Variants in CYTH3 observed in about 807,000 individuals in gnomAD.
CYTH3 encodes the protein cytohesin 3.
Under a neutral mutation model 55.1 loss-of-function variants are expected in CYTH3, and 23 were observed. The ratio of observed to expected loss-of-function variants is 0.42; its 90% CI spans 0.30 to 0.59. The LOEUF (loss-of-function observed/expected upper bound fraction) is 0.59. Ranked by LOEUF, CYTH3 falls within the 20% of genes least tolerant of loss-of-function variation. The pLI is 0.20. For missense variants in CYTH3, 413 were observed against 524.8 expected (o/e 0.79, Z 2.08); for synonymous variants, 249 against 194.9 (o/e 1.28, Z -2.31).
chr7:6,259,779 TATATAATATATATA>T lies in CYTH3; in HGVS notation c.34+12681_34+12694del, dbSNP rs1780264371. Among the ~76,000 whole-genome samples, 2 of 20,154 alleles carry T rather than the reference TATATAATATATATA, an allele frequency of 9.9e-5. 1 individual carries two copies. The highest frequency in any genetic ancestry group is 1.8e-3 in the African/African-American group (2 of 1,132). 13.2% of individuals were successfully genotyped at this position (20,154 alleles called of 152,430 possible). A position where few individuals can be genotyped will look rare whatever the true frequency, so the allele number is the denominator to read the frequency against. On this transcript the variant is annotated intron_variant, in intron 1 of 12. Transcript: ENST00000350796. ...ATATTATATATATATATATTATATA[TATATAATATATATA>T]TATATATATATATATATATAATATA... is the stretch of plus-strand genomic sequence containing the variant.
chr7:6,182,154 T>G (rs568378876), intron 4 of CYTH3, among the ~76,000 whole-genome samples: 5 of 152,152 alleles, frequency 3.3e-5, no homozygotes, highest in African/African-American at 1.2e-4. Flanking sequence ...TTCAAGTGAT[T>G]CTCCTGCCTC....
chr7:6,165,436 GAA>G lies in CYTH3; in HGVS notation c.973-11_973-10del. ...TAGAGCTCAAAACAGTTCTGGTGGA[GAA>G]AGAGAGAGGGGAGGCGGTCAGGGGG... On this transcript the variant is annotated splice_polypyrimidine_tract_variant and intron_variant, in intron 11 of 12. Transcript: ENST00000350796. The G allele has an allele frequency of 6.2e-7, 1 of 1,611,304 alleles. No homozygotes were observed.
chr7:6,245,812 G>C (rs11974681), intron 1 of CYTH3, among the ~76,000 whole-genome samples: 10,751 of 152,238 alleles, frequency 0.071, 898 homozygotes, highest in African/African-American at 0.2. Flanking sequence ...GCTGAGGCAG[G>C]AGAATCACCT....
chr7:6,265,614 AT>A (rs1237263049), intron 1 of CYTH3, among the ~76,000 whole-genome samples: 2 of 137,544 alleles, frequency 1.5e-5, no homozygotes, highest in African/African-American at 6.1e-5. Flanking sequence ...GCAAGACTCC[AT>A]TTCAAAAAAA....
At chr7:6,173,835 G>A in intron 5 of CYTH3, 102 bp from the exon 6 acceptor site, 4 of 732,516 alleles carry the variant, frequency 5.5e-6, no homozygotes, top group Non-Finnish European at 7.4e-6. Context: ...TCATGCACAA[G>A]TTTCTGCATG....
intron 1 of CYTH3, among the ~76,000 whole-genome samples, chr7:6,191,272 A>G (rs1783797725): frequency 6.6e-6 from 1 of 151,998 alleles, no homozygotes; most frequent in Non-Finnish European, 1.5e-5. Flanking sequence ...AGATGGTGAG[A>G]TCCTTTCTCT....
intron 1 of CYTH3, among the ~76,000 whole-genome samples, chr7:6,191,046 C>T (rs187593560): frequency 3.3e-5 from 5 of 151,624 alleles, no homozygotes; most frequent in African/African-American, 1.2e-4. Context: ...CACTGCACTC[C>T]AGCCTGGGCA....
chr7:6,187,796 C>T (rs1435764727), intron 2 of CYTH3, 75 bp from the exon 3 acceptor site: 1 of 1,246,280 alleles, frequency 8.0e-7, no homozygotes, highest in Non-Finnish European at 1.2e-6. Flanking sequence ...AATTTTAGTT[C>T]TCTTGTGACA....
chr7:6,210,634 A>T (rs79331185), intron 1 of CYTH3, among the ~76,000 whole-genome samples: 4,071 of 152,316 alleles, frequency 0.027, 79 homozygotes, highest in Middle Eastern at 0.068. Context: ...TCTAAGACAG[A>T]GTTCATGCTG....
intron 1 of CYTH3, among the ~76,000 whole-genome samples, chr7:6,191,591 C>CTTTTTT (rs1172231329): frequency 1.6e-4 from 17 of 105,072 alleles, no homozygotes; most frequent in South Asian, 3.2e-4. Flanking sequence ...TAGGGAAGGA[C>CTTTTTT]TTTTTTTTTT....
intron 1 of CYTH3, among the ~76,000 whole-genome samples, chr7:6,255,838 A>G (rs1033179460): frequency 9.6e-5 from 13 of 135,060 alleles, no homozygotes; most frequent in Non-Finnish European, 1.8e-4. Flanking sequence ...ATCTCTGCTC[A>G]CTACAAGCTC....
chr7:6,272,488 C>T lies in CYTH3; in HGVS notation c.20G>A (p.Gly7Asp). The T allele has an allele frequency of 7.3e-7, 1 of 1,368,268 alleles. No homozygotes were observed. The highest frequency in any genetic ancestry group is 9.5e-7 in the Non-Finnish European group (1 of 1,051,056). The allele number at this position is 1,368,268 out of a possible 1,614,324, so 84.8% of individuals were successfully genotyped here. The change falls in exon 1 of 13, where the codon GGC (glycine) becomes GAC (aspartate). Residue 7 changes from glycine to aspartate, a missense_variant. This residue lies in a region of CYTH3 where 152 missense variants were observed against 148.1 expected (regional missense o/e 1.03). Transcript: ENST00000350796. Reference sequence around the variant, plus strand: ...CCGACACTCACCGCCACCACCCTCGCCGCCGCCGTCTTCATCCATCTTGAG... The same window carrying T: ...CCGACACTCACCGCCACCACCCTCGTCGCCGCCGTCTTCATCCATCTTGAG... MDEDGG[G>D]EGGGVPEDLS... is the part of the protein sequence containing the mutation.
chr7:6,228,287 C>T (rs911214100), intron 1 of CYTH3, among the ~76,000 whole-genome samples: 1 of 152,168 alleles, frequency 6.6e-6, no homozygotes, highest in Non-Finnish European at 1.5e-5. Context: ...CTTAGAGGGA[C>T]CTTTTCCATT....
At chr7:6,258,701 CCTT>C (rs1322739492) in intron 1 of CYTH3, among the ~76,000 whole-genome samples, 2 of 152,182 alleles carry the variant, frequency 1.3e-5, no homozygotes, top group Non-Finnish European at 2.9e-5. Context: ...GTTGTTCAAT[CCTT>C]CTTCTGTCCC....
intron 1 of CYTH3, among the ~76,000 whole-genome samples, chr7:6,246,770 A>G (rs1399671807): frequency 7.2e-6 from 1 of 139,460 alleles, no homozygotes; most frequent in African/African-American, 2.7e-5. Context: ...TTCTCTTTCC[A>G]TTACATATCT....
At chr7:6,260,651 T>A (rs1376315605) in intron 1 of CYTH3, among the ~76,000 whole-genome samples, 1 of 152,194 alleles carries the variant, frequency 6.6e-6, no homozygotes, top group Non-Finnish European at 1.5e-5. Context: ...CGTCTCTAAG[T>A]GCATTCAACA....
intron 1 of CYTH3, among the ~76,000 whole-genome samples, chr7:6,194,313 C>T (rs992450485): frequency 1.1e-4 from 17 of 152,138 alleles, no homozygotes; most frequent in Admixed American, 4.6e-4. Flanking sequence ...AAAAGCCAGG[C>T]GTGATGGCAC....
intron 1 of CYTH3, among the ~76,000 whole-genome samples, chr7:6,234,332 G>A (rs1583183938): frequency 6.6e-6 from 1 of 152,170 alleles, no homozygotes; most frequent in South Asian, 2.1e-4. Context: ...GTATCTTCTG[G>A]GTTCTGACCA....
chr7:6,212,062 C>T (rs1013817186), intron 1 of CYTH3, among the ~76,000 whole-genome samples: 1 of 152,166 alleles, frequency 6.6e-6, no homozygotes, highest in Admixed American at 6.5e-5. Context: ...TGCCCATTAA[C>T]CATCCTTATC....
Sources: allele counts gnomAD v4.1 joint callset (sites outside exome capture counted in the v4.1 genomes callset), GRCh38; gene constraint gnomAD v4.1.1; regional missense constraint gnomAD v4.1.1; transcripts MANE v1.5; gene names NCBI Gene and HGNC (gene_info 2026-07-23, HGNC 2026-07-21).